Variants in RIMS2 observed in about 807,000 individuals in gnomAD.
RIMS2 encodes the protein regulating synaptic membrane exocytosis protein 2.
RIMS2 carries 59 observed loss-of-function variants against 174.4 expected under a neutral mutation model. That is an observed-to-expected ratio of 0.34 (90% CI 0.27 to 0.42). The LOEUF is 0.42. Among genes scored for constraint, RIMS2 ranks in the 10% least tolerant of loss-of-function variants. The probability of loss-of-function intolerance (pLI) is 1.00; values close to 1 mark genes in which losing one functional copy is unlikely to be tolerated. For synonymous variants in RIMS2, 606 were observed against 572.5 expected, an observed-to-expected ratio of 1.06 and a Z score of -0.84; for missense variants, 1,620 against 1,666.3, an observed-to-expected ratio of 0.97 and a Z score of 0.48.
intron 3 of RIMS2, among the ~76,000 whole-genome samples, chr8:103,851,743 A>G (rs1223841493): frequency 6.6e-6 from 1 of 151,966 alleles, no homozygotes; most frequent in East Asian, 1.9e-4. Context: ...GGACTGAAAT[A>G]AATTAAACCA....
intron 19 of RIMS2, among the ~76,000 whole-genome samples, chr8:104,062,373 C>T (rs1009425699): frequency 2.0e-5 from 3 of 152,130 alleles, no homozygotes; most frequent in Non-Finnish European, 4.4e-5. Context: ...CACTTCACTC[C>T]AGCCAGCCTG....
chr8:103,874,543 C>T (rs1331018997), intron 3 of RIMS2, among the ~76,000 whole-genome samples: 1 of 151,970 alleles, frequency 6.6e-6, no homozygotes, highest in Admixed American at 6.6e-5. Flanking sequence ...TAATCTAACA[C>T]ATTTTTAGAG....
At chr8:103,927,011 CCT>C (rs1311579634) in intron 10 of RIMS2, among the ~76,000 whole-genome samples, 5 of 151,332 alleles carry the variant, frequency 3.3e-5, no homozygotes, top group African/African-American at 1.2e-4. Flanking sequence ...TTCTGTGTTT[CCT>C]CATCTACAAA....
At chr8:104,012,240 A>G (rs977665293) in intron 17 of RIMS2, among the ~76,000 whole-genome samples, 28 of 152,046 alleles carry the variant, frequency 1.8e-4, no homozygotes, top group Non-Finnish European at 2.7e-4. Flanking sequence ...ATCACAAGAT[A>G]TGGTGTAGAA....
intron 3 of RIMS2, among the ~76,000 whole-genome samples, chr8:103,876,367 C>T (rs2099136763): frequency 6.6e-6 from 1 of 151,072 alleles, no homozygotes; most frequent in African/African-American, 2.4e-5. Flanking sequence ...GGTATCCCTT[C>T]CCCAGTGTAT....
intron 1 of RIMS2, among the ~76,000 whole-genome samples, chr8:103,582,315 G>A (rs924515694): frequency 3.3e-5 from 5 of 152,168 alleles, no homozygotes; most frequent in African/African-American, 1.2e-4. Flanking sequence ...CCTTGGGCGA[G>A]CCTCTGAGAC....
At chr8:104,026,016 C>T (rs1425889181) in intron 19 of RIMS2, among the ~76,000 whole-genome samples, 2 of 151,996 alleles carry the variant, frequency 1.3e-5, no homozygotes, top group Non-Finnish European at 2.9e-5. Context: ...TGCACAATGA[C>T]GAAATCACCT....
At chr8:103,772,605 A>G (rs1006523390) in intron 3 of RIMS2, among the ~76,000 whole-genome samples, 2 of 152,150 alleles carry the variant, frequency 1.3e-5, no homozygotes, top group African/African-American at 4.8e-5. Flanking sequence ...TGATTTATAT[A>G]TACAGATAGA....
intron 1 of RIMS2, among the ~76,000 whole-genome samples, chr8:103,563,395 CA>C (rs2091904387): frequency 6.6e-6 from 1 of 152,154 alleles, no homozygotes; most frequent in African/African-American, 2.4e-5. Flanking sequence ...ATCTCTAGGG[CA>C]GGGGTAAAAT....
chr8:103,592,241 C>T (rs1340623937), intron 1 of RIMS2, among the ~76,000 whole-genome samples: 1 of 151,150 alleles, frequency 6.6e-6, no homozygotes, highest in Non-Finnish European at 1.5e-5. Flanking sequence ...ATGCCTCTAT[C>T]CTTAATTTAT....
chr8:103,573,794 T>C (rs2093010328), intron 1 of RIMS2, among the ~76,000 whole-genome samples: 1 of 152,200 alleles, frequency 6.6e-6, no homozygotes, highest in African/African-American at 2.4e-5. Context: ...TATATTGCTT[T>C]GGGCATTCTG....
At chr8:103,658,360 G>T (rs1202582044) in intron 1 of RIMS2, among the ~76,000 whole-genome samples, 1 of 152,180 alleles carries the variant, frequency 6.6e-6, no homozygotes, top group African/African-American at 2.4e-5. Flanking sequence ...CACATATTCT[G>T]AGAAGCCTTT....
intron 3 of RIMS2, among the ~76,000 whole-genome samples, chr8:103,826,740 G>A (rs547194732): frequency 1.3e-5 from 2 of 150,720 alleles, no homozygotes; most frequent in Non-Finnish European, 3.0e-5. Flanking sequence ...GTCACCCAGT[G>A]GTGTGATCAT....
intron 19 of RIMS2, among the ~76,000 whole-genome samples, chr8:104,227,211 CT>C (rs55927938): frequency 1.1e-3 from 134 of 126,680 alleles, no homozygotes; most frequent in Non-Finnish European, 1.6e-3. Flanking sequence ...ACTTGGAGCT[CT>C]TTTTTTTTTT....
intron 1 of RIMS2, among the ~76,000 whole-genome samples, chr8:103,647,646 C>A (rs1309725795): frequency 6.6e-6 from 1 of 151,916 alleles, no homozygotes; most frequent in African/African-American, 2.4e-5. Context: ...CCTGGTTCAG[C>A]CTTGGGTAGG....
chr8:103,986,052 A>T (rs1359956293), intron 16 of RIMS2, among the ~76,000 whole-genome samples: 1 of 151,970 alleles, frequency 6.6e-6, no homozygotes, highest in Non-Finnish European at 1.5e-5. Flanking sequence ...ACTATAGTTA[A>T]TATATACTTG....
chr8:103,754,649 C>T (rs370604885), intron 2 of RIMS2, among the ~76,000 whole-genome samples: 23 of 152,144 alleles, frequency 1.5e-4, no homozygotes, highest in African/African-American at 5.3e-4. Context: ...ATAGTTAGCT[C>T]TTCTTGTTGA....
intron 3 of RIMS2, among the ~76,000 whole-genome samples, chr8:103,881,886 A>G (rs1309626494): frequency 6.6e-6 from 1 of 151,512 alleles, no homozygotes; most frequent in Non-Finnish European, 1.5e-5. Context: ...TAAAGTGAAT[A>G]TAAATATATA....
chr8:104,160,585 C>T (rs2879854), intron 19 of RIMS2, among the ~76,000 whole-genome samples: 43,151 of 152,018 alleles, frequency 0.28, 6,295 homozygotes, highest in Non-Finnish European at 0.32. Context: ...AATTATCTTG[C>T]GTTATCCCTT....
Sources: gnomAD v4.1 joint callset for allele counts (sites outside exome capture counted in the v4.1 genomes callset) on GRCh38, gnomAD v4.1.1 for gene constraint, MANE v1.5 for transcripts, NCBI Gene and HGNC (gene_info 2026-07-23, HGNC 2026-07-21) for gene names.